ST3GAL2: variants seen among roughly 807,000 people sequenced by gnomAD.
ST3GAL2 encodes CMP-N-acetylneuraminate-beta-galactosamide-alpha-2,3-sialyltransferase 2.
Under a neutral mutation model 37.5 loss-of-function variants are expected in ST3GAL2, and 16 were observed. The observed-to-expected ratio is 0.43, with a 90% CI of 0.29 to 0.65. The LOEUF is 0.65. Ranked by LOEUF, ST3GAL2 falls within the 30% of genes least tolerant of loss-of-function variation. The probability of loss-of-function intolerance (pLI) is 0.17; values close to 1 mark genes in which losing one functional copy is unlikely to be tolerated. For synonymous variants in ST3GAL2, 238 were observed against 202.9 expected, an observed-to-expected ratio of 1.17 and a Z score of -1.47; for missense variants, 383 against 487.8, an observed-to-expected ratio of 0.79 and a Z score of 2.02.
At chr16:70,396,112 C>T (rs1412623301) in intron 2 of ST3GAL2, among the ~76,000 whole-genome samples, 1 of 151,820 alleles carries the variant, frequency 6.6e-6, no homozygotes, top group African/African-American at 2.4e-5. Context: ...GCTGCAATTA[C>T]AGGCATGCTT....
At chr16:70,437,332 G>A (rs1281385070) in intron 1 of ST3GAL2, among the ~76,000 whole-genome samples, 1 of 152,132 alleles carries the variant, frequency 6.6e-6, no homozygotes, top group Non-Finnish European at 1.5e-5. Context: ...ACAGCCAAGG[G>A]GGAGGGCTGG....
intron 1 of ST3GAL2, among the ~76,000 whole-genome samples, chr16:70,402,792 G>A (rs1337873515): frequency 1.3e-5 from 2 of 152,172 alleles, no homozygotes; most frequent in Non-Finnish European, 2.9e-5. Context: ...TGGGATTACA[G>A]GCATGTGCCA....
chr16:70,437,709 C>A (rs987734142), intron 1 of ST3GAL2, among the ~76,000 whole-genome samples: 1 of 152,126 alleles, frequency 6.6e-6, no homozygotes, highest in Non-Finnish European at 1.5e-5. Flanking sequence ...GCAACCCCTC[C>A]AAAGTTAGCA....
chr16:70,414,592 A>C (rs2047661998), intron 1 of ST3GAL2, among the ~76,000 whole-genome samples: 1 of 152,204 alleles, frequency 6.6e-6, no homozygotes, highest in Non-Finnish European at 1.5e-5. Flanking sequence ...TGAAAATCGG[A>C]ACAATTGATT....
At chr16:70,438,655 G>A (rs2047844093) in intron 1 of ST3GAL2, among the ~76,000 whole-genome samples, 2 of 152,070 alleles carry the variant, frequency 1.3e-5, no homozygotes, top group Admixed American at 6.5e-5. Flanking sequence ...CGAGGGCTGG[G>A]GCTGGGGCTG....
intron 1 of ST3GAL2, among the ~76,000 whole-genome samples, chr16:70,409,349 CTTTT>C (rs925093024): frequency 1.4e-5 from 2 of 145,122 alleles, no homozygotes; most frequent in South Asian, 2.2e-4. Context: ...CCTCTGGCGG[CTTTT>C]TTTTTTTGAG....
At chr16:70,424,546 A>G (rs1339273052) in intron 1 of ST3GAL2, among the ~76,000 whole-genome samples, 2 of 150,006 alleles carry the variant, frequency 1.3e-5, no homozygotes, top group African/African-American at 2.4e-5. Context: ...GGTCGCGGTG[A>G]GCCGAGATTG....
chr16:70,434,924 T>C (rs976531910), intron 1 of ST3GAL2, among the ~76,000 whole-genome samples: 1 of 152,230 alleles, frequency 6.6e-6, no homozygotes, highest in Non-Finnish European at 1.5e-5. Flanking sequence ...GAAAATGCTT[T>C]GCAAAGCACA....
At chr16:70,409,689 G>A (rs574493100) in intron 1 of ST3GAL2, among the ~76,000 whole-genome samples, 1 of 152,078 alleles carries the variant, frequency 6.6e-6, no homozygotes, top group Non-Finnish European at 1.5e-5. Flanking sequence ...GCCCAGACTG[G>A]AATGCCGGTG....
At chr16:70,401,931 T>A (rs546310570) in intron 1 of ST3GAL2, among the ~76,000 whole-genome samples, 1 of 146,498 alleles carries the variant, frequency 6.8e-6, no homozygotes, top group African/African-American at 2.5e-5. Flanking sequence ...GAGGCGGAGG[T>A]TGCAGTGCGC....
rs2047346612 is a variant in ST3GAL2, at chr16:70,376,485, C to G, written c.*5204G>C. ...GCTGGCCCAGATACATACTGCTCCT[C>G]AAGCCTCACAGAGGCGGGAGAGGGG... is the stretch of plus-strand genomic sequence containing the variant. On this transcript the variant is annotated 3_prime_UTR_variant, in exon 7 of 7. Transcript: ENST00000342907. 1 of 152,100 alleles carries G rather than the reference C, an allele frequency of 6.6e-6. No individual in the cohort carries two copies. Among genetic ancestry groups the G allele is most frequent in the Admixed American group, 6.6e-5 (1 of 15,242 alleles). The allele number at this position is 152,100 out of a possible 1,614,324, so 9.4% of individuals were successfully genotyped here. A position where few individuals can be genotyped will look rare whatever the true frequency, so the allele number is the denominator to read the frequency against.
chr16:70,421,343 T>C (rs2047712985), intron 1 of ST3GAL2, among the ~76,000 whole-genome samples: 1 of 152,136 alleles, frequency 6.6e-6, no homozygotes, highest in Admixed American at 6.5e-5. Context: ...CTGAGCCTTA[T>C]CCCCGGGGTG....
At position 70,378,184 on chromosome 16, in the gene ST3GAL2, G is replaced by C. The variant is rs1405082552; in HGVS notation, c.*3505C>G. On this transcript the variant is annotated 3_prime_UTR_variant, in exon 7 of 7. Coordinates refer to ENST00000342907, the MANE Select transcript of ST3GAL2 (RefSeq NM_006927.4). ...TGGTCAAACATTGGGAGGCCAAAGG[G>C]GGTGGATGACCTGTGGTCAGGAGTT... 6.6e-6 allele frequency: 1 copy of C among 152,050 alleles called. No individual in the cohort carries two copies. Among genetic ancestry groups the C allele is most frequent in the South Asian group, 2.1e-4 (1 of 4,820 alleles). The allele number at this position is 152,050 out of a possible 1,614,324, so 9.4% of individuals were successfully genotyped here.
At position 70,380,733 on chromosome 16, in the gene ST3GAL2, G is replaced by A. The variant is rs566387094; in HGVS notation, c.*956C>T. 6.5e-6 allele frequency: 1 copy of A among 152,842 alleles called. No homozygotes were observed. The highest frequency in any genetic ancestry group is 2.1e-4 in the South Asian group (1 of 4,842). The allele number at this position is 152,842 out of a possible 1,614,324, so 9.5% of individuals were successfully genotyped here. On this transcript the variant is annotated 3_prime_UTR_variant, in exon 7 of 7. Coordinates refer to ENST00000342907, the MANE Select transcript of ST3GAL2 (RefSeq NM_006927.4). ...GAGCCCCAGGCAAAGTTACCCCCAG[G>A]CAAGAGGCGATGGGTGGAGGAGGAG...
chr16:70,435,016 C>A (rs2151682584), intron 1 of ST3GAL2, among the ~76,000 whole-genome samples: 1 of 152,320 alleles, frequency 6.6e-6, no homozygotes, highest in South Asian at 2.1e-4. Context: ...CAGGACTTTA[C>A]TTGGCAGGCA....
At chr16:70,426,124 G>T (rs1481858574) in intron 1 of ST3GAL2, among the ~76,000 whole-genome samples, 1 of 151,118 alleles carries the variant, frequency 6.6e-6, no homozygotes, top group Non-Finnish European at 1.5e-5. Flanking sequence ...AACGTAACAG[G>T]AAGTTAGGAT....
Position 70,381,511 on chromosome 16 carries a change from G to C in ST3GAL2, c.*178C>G. The C allele has an allele frequency of 1.4e-6, 1 of 712,866 alleles. No individual in the cohort carries two copies. The highest frequency in any genetic ancestry group is 2.3e-6 in the Non-Finnish European group (1 of 443,974). The allele number at this position is 712,866 out of a possible 1,614,324, so 44.2% of individuals were successfully genotyped here. A position where few individuals can be genotyped will look rare whatever the true frequency, so the allele number is the denominator to read the frequency against. On this transcript the variant is annotated 3_prime_UTR_variant, in exon 7 of 7. Transcript: ENST00000342907. ...ATTGGCTGGGAGAAACAGAAGCTCC[G>C]CCCGACCGCAGCGCAGATTGGTGCC...
chr16:70,383,940 T>C (rs1018110224), intron 4 of ST3GAL2, among the ~76,000 whole-genome samples: 12 of 151,730 alleles, frequency 7.9e-5, no homozygotes, highest in Admixed American at 6.6e-4. Context: ...GAGGTGGCAA[T>C]CATCTCAAAT....
At position 70,377,071 on chromosome 16, in the gene ST3GAL2, G is replaced by C. The variant is rs2047353132; in HGVS notation, c.*4618C>G. ...ATGTTTTTAAAAAATTTTTTAGCTA[G>C]GCTCTAGCTGCTCTGGAGGCTGAGG... is the stretch of plus-strand genomic sequence containing the variant. On this transcript the variant is annotated 3_prime_UTR_variant, in exon 7 of 7. Transcript: ENST00000342907. 1 of 151,228 alleles carries C rather than the reference G, an allele frequency of 6.6e-6. No individual in the cohort carries two copies. The highest frequency in any genetic ancestry group is 2.4e-5 in the African/African-American group (1 of 41,038). 9.4% of individuals were successfully genotyped at this position (151,228 alleles called of 1,614,324 possible).
Sources: allele counts gnomAD v4.1 joint callset (sites outside exome capture counted in the v4.1 genomes callset), GRCh38; gene constraint gnomAD v4.1.1; transcripts MANE v1.5; gene names NCBI Gene and HGNC (gene_info 2026-07-23, HGNC 2026-07-21).